DOCK8: variants seen among roughly 807,000 people sequenced by gnomAD.
DOCK8 encodes the protein dedicator of cytokinesis 8, also known as dedicator of cytokinesis protein 8.
A neutral mutation model predicts 245.6 loss-of-function variants in DOCK8; 141 were observed. The ratio of observed to expected loss-of-function variants is 0.57; its 90% CI spans 0.50 to 0.66. The LOEUF is 0.66. Ranked by LOEUF, DOCK8 falls within the 30% of genes least tolerant of loss-of-function variation. The pLI is 0.00. For synonymous variants in DOCK8, 1,168 were observed against 970.2 expected (o/e 1.20, Z -3.79); for missense variants, 2,965 against 2,603.4 (o/e 1.14, Z -3.02).
chr9:289,605 T>C (rs1813558392), intron 4 of DOCK8, 24 bp downstream of exon 4: 5 of 1,587,402 alleles, frequency 3.1e-6, no homozygotes, highest in Non-Finnish European at 4.3e-6. Context: ...TTTCCACTTT[T>C]TGTATATAAA....
chr9:431,848 A>G lies in DOCK8; in HGVS notation c.4627-318A>G, dbSNP rs1329375. On this transcript the variant is annotated intron_variant, in intron 36 of 47. Coordinates refer to ENST00000432829, the MANE Select transcript of DOCK8 (RefSeq NM_203447.4). ...AGTCCCAAGAAGAAACTCTTGGCACAAAAGGATATACTGTATTCTTGGACC... is the reference window on the plus strand; with the variant it reads ...AGTCCCAAGAAGAAACTCTTGGCACGAAAGGATATACTGTATTCTTGGACC... Among the ~76,000 whole-genome samples, 105,393 of 151,548 alleles carry G rather than the reference A, an allele frequency of 0.7. 37,991 individuals carry two copies. Among genetic ancestry groups the G allele is most frequent in the East Asian group, 0.98 (5,051 of 5,156 alleles).
Position 448,277 on chromosome 9 carries a change from T to G in DOCK8, c.5818-1507T>G, listed in dbSNP as rs962167075. Among the ~76,000 whole-genome samples, 12 of 152,168 alleles carry G rather than the reference T, an allele frequency of 7.9e-5. 1 individual carries two copies. The highest frequency in any genetic ancestry group is 4.2e-4 in the South Asian group (2 of 4,806). On this transcript the variant is annotated intron_variant, in intron 44 of 47. Transcript: ENST00000432829. ...CCAGCTAATTAAAAATACAGAGAGATATATATTTTGTAAGAGACAGGGGTC... is the reference window on the plus strand; with the variant it reads ...CCAGCTAATTAAAAATACAGAGAGAGATATATTTTGTAAGAGACAGGGGTC...
intron 44 of DOCK8, among the ~76,000 whole-genome samples, chr9:449,369 A>AG (rs2057361037): frequency 8.0e-6 from 1 of 125,520 alleles, no homozygotes; most frequent in Non-Finnish European, 1.8e-5. Flanking sequence ...AAATAAATAA[A>AG]TAAGTAAGTT....
Position 407,045 on chromosome 9 carries a change from C to G in DOCK8, c.3506C>G (p.Ala1169Gly), listed in dbSNP as rs1166832037. ...LTGLLFTELA[A>G]ALDAEGEGIS... ...GGGCTCCTCTTCACAGAACTGGCTGCTGCCCTGGATGCCGAAGGGGAAGGG... is the reference window on the plus strand; with the variant it reads ...GGGCTCCTCTTCACAGAACTGGCTGGTGCCCTGGATGCCGAAGGGGAAGGG... Residue 1169 changes from alanine (A) to glycine (G), a missense_variant, in exon 28 of 48, where the codon GCT becomes GGT. Coordinates refer to ENST00000432829, the MANE Select transcript of DOCK8 (RefSeq NM_203447.4). 3.7e-6 allele frequency: 6 copies of G among 1,614,016 alleles called. No individual in the cohort carries two copies. Among genetic ancestry groups the G allele is most frequent in the Non-Finnish European group, 4.2e-6 (5 of 1,180,038 alleles).
At chr9:300,052 A>G (rs1224742956) in intron 4 of DOCK8, among the ~76,000 whole-genome samples, 1 of 151,736 alleles carries the variant, frequency 6.6e-6, no homozygotes, top group Non-Finnish European at 1.5e-5. Flanking sequence ...CCATTGTGGT[A>G]AGCCTTGACT....
At chr9:353,868 ATTC>A (rs541681720) in intron 14 of DOCK8, among the ~76,000 whole-genome samples, 64 of 152,306 alleles carry the variant, frequency 4.2e-4, no homozygotes, top group African/African-American at 1.3e-3. Context: ...ACTTTTTAGC[ATTC>A]TTCTTATTAT....
At position 464,240 on chromosome 9, in the gene DOCK8, G is replaced by C; in HGVS notation, c.*21G>C. 3 of 1,607,976 alleles carry C rather than the reference G, an allele frequency of 1.9e-6. No homozygotes were observed. In the South Asian group the frequency reaches 3.3e-5, roughly 18 times the overall value. On this transcript the variant is annotated 3_prime_UTR_variant, in exon 48 of 48. Transcript: ENST00000432829. ...GCTAAGAAAAGCCATCTTCATTCGT[G>C]GAGACTGTGGCCCTGCAACCCTGGA...
chr9:356,984 A>G (rs888017002), intron 14 of DOCK8, among the ~76,000 whole-genome samples: 6 of 151,954 alleles, frequency 3.9e-5, no homozygotes, highest in Non-Finnish European at 4.4e-5. Flanking sequence ...ATTCTTTTCT[A>G]TGGGAATCTG....
chr9:411,451 A>C (rs1249983715), intron 28 of DOCK8, among the ~76,000 whole-genome samples: 1 of 152,002 alleles, frequency 6.6e-6, no homozygotes, highest in African/African-American at 2.4e-5. Flanking sequence ...TTAAAATTTA[A>C]AACTTCCTAC....
intron 4 of DOCK8, among the ~76,000 whole-genome samples, chr9:300,433 A>G (rs1291409712): frequency 6.6e-6 from 1 of 152,116 alleles, no homozygotes; most frequent in African/African-American, 2.4e-5. Context: ...TGTGACCTGG[A>G]GGTACTAGAA....
intron 1 of DOCK8, among the ~76,000 whole-genome samples, chr9:255,044 A>G (rs1165552577): frequency 6.6e-6 from 1 of 152,200 alleles, no homozygotes; most frequent in Non-Finnish European, 1.5e-5. Flanking sequence ...GAATTGTTCA[A>G]AGTTTGCTCA....
chr9:353,490 T>C (rs1284302741), intron 14 of DOCK8, among the ~76,000 whole-genome samples: 1 of 152,212 alleles, frequency 6.6e-6, no homozygotes, highest in Non-Finnish European at 1.5e-5. Flanking sequence ...TAACCAAAAA[T>C]ATCAGCCTCA....
intron 8 of DOCK8, 61 bp downstream of exon 8, chr9:325,798 G>A (rs753247084): frequency 3.5e-6 from 5 of 1,413,106 alleles, no homozygotes; most frequent in East Asian, 4.8e-5. Flanking sequence ...TTCTTTGCAT[G>A]TATGTTTTTA....
chr9:319,604 T>C (rs1224050987), intron 7 of DOCK8, among the ~76,000 whole-genome samples: 1 of 152,150 alleles, frequency 6.6e-6, no homozygotes, highest in Non-Finnish European at 1.5e-5. Context: ...TGGCAAATGT[T>C]TTCCCATTTA....
intron 18 of DOCK8, among the ~76,000 whole-genome samples, chr9:375,944 C>T (rs757651070): frequency 1.5e-4 from 23 of 152,268 alleles, no homozygotes; most frequent in South Asian, 4.2e-4. Context: ...CTGCAGTGAA[C>T]CGTGATTGCA....
At chr9:443,304 T>A in intron 42 of DOCK8, 123 bp from the exon 43 acceptor site, 1 of 942,248 alleles carries the variant, frequency 1.1e-6, no homozygotes, top group Non-Finnish European at 1.7e-6. Context: ...TCAGAGGAAC[T>A]CTCAATAATC....
intron 28 of DOCK8, among the ~76,000 whole-genome samples, chr9:408,861 A>AAC (rs71314709): frequency 0.12 from 17,205 of 147,404 alleles, 1,082 homozygotes; most frequent in Admixed American, 0.16. Flanking sequence ...ACATTCTTCA[A>AAC]ACACACACAC....
rs145585945 is a variant in DOCK8, at chr9:460,460, C to G, written c.6069-3057C>G. 14 of 152,260 alleles carry G rather than the reference C, an allele frequency of 9.2e-5. No individual in the cohort carries two copies. The East Asian group carries it at 2.5e-3, about 27-fold the overall frequency. 9.4% of individuals were successfully genotyped at this position (152,260 alleles called of 1,614,324 possible). A position where few individuals can be genotyped will look rare whatever the true frequency, so the allele number is the denominator to read the frequency against. The stretch of plus-strand genomic sequence containing the variant: ...TCATCCTGAAACTGATCTTATTTTA[C>G]ACATGGTGGTAATTGTAACTGTTAG... On this transcript the variant is annotated intron_variant, in intron 46 of 47. Coordinates refer to ENST00000432829, the MANE Select transcript of DOCK8 (RefSeq NM_203447.4).
rs1471516487 is a variant in DOCK8, at chr9:403,940, A to ATGTGTG, written c.3235-977_3235-976insGTGTGT. ...TACATATATATATATGTGTATATAT[A>ATGTGTG]TATGTGTATATATATATATGTATAT... On this transcript the variant is annotated intron_variant, in intron 26 of 47. Coordinates refer to ENST00000432829, the MANE Select transcript of DOCK8 (RefSeq NM_203447.4). 6.1e-5 allele frequency among the ~76,000 whole-genome samples: 5 copies of ATGTGTG among 82,556 alleles called. No homozygotes were observed. The Admixed American group carries it at 6.4e-4, about 11-fold the overall frequency. The allele number at this position is 82,556 out of a possible 152,430, so 54.2% of individuals were successfully genotyped here.
Sources: allele counts gnomAD v4.1 joint callset (sites outside exome capture counted in the v4.1 genomes callset), GRCh38; gene constraint gnomAD v4.1.1; transcripts MANE v1.5; gene names NCBI Gene and HGNC (gene_info 2026-07-23, HGNC 2026-07-21).